BBX: variants seen among roughly 807,000 people sequenced by gnomAD.
BBX encodes HMG box transcription factor BBX.
Under a neutral mutation model 100.2 loss-of-function variants are expected in BBX, and 30 were observed. The ratio of observed to expected loss-of-function variants is 0.30; its 90% CI spans 0.22 to 0.41. The LOEUF (loss-of-function observed/expected upper bound fraction) is 0.41. BBX is among the 10% of genes least tolerant of loss of function. The probability of loss-of-function intolerance (pLI) is 1.00; values close to 1 mark genes in which losing one functional copy is unlikely to be tolerated. For synonymous variants in BBX, 376 were observed against 388.1 expected (o/e 0.97, Z 0.37); for missense variants, 1,023 against 1,129.8 (o/e 0.91, Z 1.35).
intron 15 of BBX, among the ~76,000 whole-genome samples, chr3:107,791,610 G>A (rs6437745): frequency 0.79 from 119,784 of 152,078 alleles, 48,395 homozygotes; most frequent in East Asian, 0.99. Flanking sequence ...GCAGGCAGAT[G>A]CTTATGCCCA....
intron 2 of BBX, among the ~76,000 whole-genome samples, chr3:107,616,005 C>CTTTTTTTTTTTTTTTTTTTTTTTTTT (rs59614452): frequency 5.2e-5 from 1 of 19,218 alleles, no homozygotes; most frequent in Non-Finnish European, 9.7e-5. Context: ...TACTCACCTG[C>CTTTTTTTTTTTTTTTTTTTTTTTTTT]TTTTTTTTTT....
chr3:107,577,916 G>A (rs183113957), intron 2 of BBX, among the ~76,000 whole-genome samples: 1 of 152,042 alleles, frequency 6.6e-6, no homozygotes, highest in African/African-American at 2.4e-5. Context: ...AAGAAAGTAA[G>A]GTTTTCAAAT....
chr3:107,719,909 G>A (rs2062404408), intron 5 of BBX, among the ~76,000 whole-genome samples: 1 of 151,986 alleles, frequency 6.6e-6, no homozygotes, highest in Non-Finnish European at 1.5e-5. Context: ...ATGAATTGAG[G>A]ATAAATTGAG....
At chr3:107,743,918 G>GTTTTTTTTTTTTTTTTTTTTTTTAT (rs2064329053) in intron 7 of BBX, among the ~76,000 whole-genome samples, 4 of 56,622 alleles carry the variant, frequency 7.1e-5, no homozygotes, top group Non-Finnish European at 9.2e-5. Flanking sequence ...TGTTTTAGTG[G>GTTTTTTTTTTTTTTTTTTTTTTTAT]TTTTTTTTTT....
At chr3:107,673,615 A>G (rs953610970) in intron 3 of BBX, among the ~76,000 whole-genome samples, 2 of 152,138 alleles carry the variant, frequency 1.3e-5, no homozygotes, top group Non-Finnish European at 2.9e-5. Flanking sequence ...GATTAAAAGT[A>G]TGCCTCCTTA....
intron 2 of BBX, among the ~76,000 whole-genome samples, chr3:107,609,044 T>C (rs907517039): frequency 1.3e-5 from 2 of 152,154 alleles, no homozygotes; most frequent in African/African-American, 4.8e-5. Flanking sequence ...GGATGCCCTT[T>C]ATTGCCTAAG....
At chr3:107,634,312 C>T (rs2056729490) in intron 2 of BBX, among the ~76,000 whole-genome samples, 1 of 152,148 alleles carries the variant, frequency 6.6e-6, no homozygotes, top group Non-Finnish European at 1.5e-5. Flanking sequence ...TAGAGTTTCC[C>T]TCTTAGTCCT....
chr3:107,764,206 G>A (rs2066174729), intron 10 of BBX, among the ~76,000 whole-genome samples: 1 of 152,154 alleles, frequency 6.6e-6, no homozygotes, highest in Non-Finnish European at 1.5e-5. Context: ...TAGTCAGGCT[G>A]GTCTCGAACT....
chr3:107,728,656 A>G, intron 5 of BBX, 109 bp from the exon 6 acceptor site: 4 of 941,060 alleles, frequency 4.3e-6, no homozygotes, highest in Admixed American at 2.4e-5. Context: ...GAAGTCACTG[A>G]AATTGTTTTT....
chr3:107,710,566 C>T lies in BBX; in HGVS notation c.106C>T (p.Leu36Phe). Residue 36 changes from leucine (L) to phenylalanine (F), a missense_variant, in exon 4 of 18, where the codon CTT becomes TTT. Transcript: ENST00000325805. ...LQWHPLLAKK[L>F]LDFSEEEEEE... ...GTGGCATCCATTGCTAGCAAAGAAA[C>T]TTCTTGATTTTTCAGAAGAGGAAGA... The T allele has an allele frequency of 6.2e-7, 1 of 1,613,562 alleles. No homozygotes were observed. Among genetic ancestry groups the T allele is most frequent in the Admixed American group, 1.7e-5 (1 of 59,970 alleles).
At chr3:107,612,725 G>T (rs2054932683) in intron 2 of BBX, among the ~76,000 whole-genome samples, 1 of 152,118 alleles carries the variant, frequency 6.6e-6, no homozygotes, top group African/African-American at 2.4e-5. Flanking sequence ...TCTTGCCGAG[G>T]CCTGCTGTAA....
At chr3:107,783,140 C>G (rs1051332918) in intron 13 of BBX, among the ~76,000 whole-genome samples, 1 of 152,084 alleles carries the variant, frequency 6.6e-6, no homozygotes, top group Admixed American at 6.6e-5. Context: ...AACATATACA[C>G]TATGCTGATT....
intron 6 of BBX, among the ~76,000 whole-genome samples, chr3:107,731,158 A>G (rs1260389325): frequency 2.0e-5 from 3 of 152,224 alleles, no homozygotes. Context: ...AAATAACTTT[A>G]TGTAAGTATG....
chr3:107,627,829 T>C (rs184244060), intron 2 of BBX, among the ~76,000 whole-genome samples: 1 of 152,184 alleles, frequency 6.6e-6, no homozygotes, highest in Non-Finnish European at 1.5e-5. Flanking sequence ...CTTTCTTATT[T>C]AATGTTTTTC....
chr3:107,528,145 C>G (rs1397298399), intron 2 of BBX, among the ~76,000 whole-genome samples: 1 of 152,122 alleles, frequency 6.6e-6, no homozygotes, highest in Non-Finnish European at 1.5e-5. Context: ...TAATAGTGAT[C>G]TAAAAAAAGT....
At chr3:107,727,699 A>G (rs1446717091) in intron 5 of BBX, among the ~76,000 whole-genome samples, 1 of 152,162 alleles carries the variant, frequency 6.6e-6, no homozygotes, top group Non-Finnish European at 1.5e-5. Flanking sequence ...GAAATGATAG[A>G]AAAAAAGTAT....
At chr3:107,736,199 G>T (rs1186306801) in intron 7 of BBX, among the ~76,000 whole-genome samples, 3 of 151,930 alleles carry the variant, frequency 2.0e-5, no homozygotes, top group Non-Finnish European at 2.9e-5. Context: ...TAAAATAGAA[G>T]TATAGAAGTC....
intron 2 of BBX, among the ~76,000 whole-genome samples, chr3:107,631,304 G>C (rs758901937): frequency 1.3e-5 from 2 of 152,188 alleles, no homozygotes; most frequent in African/African-American, 4.8e-5. Flanking sequence ...GCCCGGGCAG[G>C]CACTTGGATA....
intron 2 of BBX, among the ~76,000 whole-genome samples, chr3:107,624,697 C>T (rs571455464): frequency 6.3e-4 from 96 of 151,874 alleles, no homozygotes; most frequent in Non-Finnish European, 1.2e-3. Flanking sequence ...GATGAAACAC[C>T]GTCTCTACTA....
Sources: gnomAD v4.1 joint callset for allele counts (sites outside exome capture counted in the v4.1 genomes callset) on GRCh38, gnomAD v4.1.1 for gene constraint, MANE v1.5 for transcripts, NCBI Gene and HGNC (gene_info 2026-07-23, HGNC 2026-07-21) for gene names.